The following PPP2R2B variants were observed in gnomAD, a reference collection of about 807,000 sequenced individuals.
PPP2R2B encodes protein phosphatase 2 regulatory subunit Bbeta, also known as serine/threonine-protein phosphatase 2A 55 kDa regulatory subunit B beta isoform.
A neutral mutation model predicts 46.0 loss-of-function variants in PPP2R2B; 5 were observed. The ratio of observed to expected loss-of-function variants is 0.11; its 90% CI spans 0.06 to 0.23. The LOEUF is 0.23. Among genes scored for constraint, PPP2R2B ranks in the 10% least tolerant of loss-of-function variants. The probability of loss-of-function intolerance (pLI) is 1.00; values close to 1 mark genes in which losing one functional copy is unlikely to be tolerated. For synonymous variants in PPP2R2B, 215 were observed against 206.7 expected (o/e 1.04, Z -0.34); for missense variants, 367 against 575.0 (o/e 0.64, Z 3.70).
chr5:146,698,231 A>T lies in PPP2R2B; in HGVS notation c.169-87T>A. The stretch of plus-strand genomic sequence containing the variant: ...CAACTCCCTTTTTTTTCCAGCAGTC[A>T]TTGGGGGTGGGATGAGGGCAGGGCC... On this transcript the variant is annotated intron_variant, in intron 3 of 9. Coordinates refer to ENST00000394411, the MANE Select transcript of PPP2R2B (RefSeq NM_181675.4). The T allele has an allele frequency of 3.6e-6, 4 of 1,125,220 alleles. No individual in the cohort carries two copies. The East Asian group carries it at 1.5e-4, about 42-fold the overall frequency. 69.7% of individuals were successfully genotyped at this position (1,125,220 alleles called of 1,614,324 possible). A position where few individuals can be genotyped will look rare whatever the true frequency, so the allele number is the denominator to read the frequency against.
intron 1 of PPP2R2B, among the ~76,000 whole-genome samples, chr5:146,894,970 T>C (rs1762601719): frequency 6.6e-6 from 1 of 152,152 alleles, no homozygotes. Flanking sequence ...AGAACTGGCA[T>C]GGAATAGTCA....
intron 2 of PPP2R2B, among the ~76,000 whole-genome samples, chr5:146,826,931 C>T (rs769009282): frequency 1.1e-4 from 16 of 152,234 alleles, no homozygotes; most frequent in Admixed American, 3.3e-4. Context: ...ATTGGCTTTT[C>T]GAATCTATAC....
At chr5:146,821,221 A>G (rs1316380426) in intron 2 of PPP2R2B, among the ~76,000 whole-genome samples, 2 of 152,156 alleles carry the variant, frequency 1.3e-5, no homozygotes, top group Non-Finnish European at 2.9e-5. Context: ...ACACATGTAC[A>G]ATTGCACAAA....
intron 2 of PPP2R2B, among the ~76,000 whole-genome samples, chr5:146,731,821 C>CA (rs1420885755): frequency 6.6e-5 from 10 of 152,184 alleles, no homozygotes; most frequent in Non-Finnish European, 1.3e-4. Flanking sequence ...AGAATTTGGA[C>CA]AGAGTGGGTA....
intron 2 of PPP2R2B, among the ~76,000 whole-genome samples, chr5:146,855,604 C>T (rs998549289): frequency 5.9e-5 from 9 of 152,046 alleles, no homozygotes; most frequent in African/African-American, 9.7e-5. Context: ...TTTCCCTCTT[C>T]GTTCCTTTTA....
intron 2 of PPP2R2B, chr5:146,707,327 T>A (rs920774176): frequency 2.0e-6 from 2 of 1,006,488 alleles, no homozygotes; most frequent in Non-Finnish European, 3.2e-6. Flanking sequence ...TTGAAGGTCT[T>A]GATCTGCTCC....
At chr5:146,917,456 A>G (rs1219544465) in intron 1 of PPP2R2B, among the ~76,000 whole-genome samples, 1 of 152,254 alleles carries the variant, frequency 6.6e-6, no homozygotes, top group Non-Finnish European at 1.5e-5. Context: ...TGAGCCTCAG[A>G]GCCAAAAAAA....
In PPP2R2B at chr5:146,988,960, A is replaced by G. The variant is rs560281796; in HGVS notation, c.79+66705T>C. Among the ~76,000 whole-genome samples, 77 of 152,156 alleles carry G rather than the reference A, an allele frequency of 5.1e-4. 2 individuals carry two copies. The highest frequency in any genetic ancestry group is 1.8e-3 in the African/African-American group (75 of 41,566). ...ACAGAAATACAAAGGATCATAAGAA[A>G]CTACTATGAACAACTACACGTAAAT... On this transcript the variant is annotated intron_variant, in intron 1 of 8. Coordinates refer to the PPP2R2B transcript ENST00000336640.
rs115890108 is a variant in PPP2R2B, at chr5:146,782,060, C to A, written c.71-80918G>T. On this transcript the variant is annotated intron_variant, in intron 2 of 9. Transcript: ENST00000394411. ...GTTTGAAAGTGTGTAGCACCTCCCC[C>A]ACCCATGCTCCAGCGATTTGAATAC... Among the ~76,000 whole-genome samples the A allele has an allele frequency of 4.8e-3, 727 of 152,236 alleles. 3 individuals are homozygous for A. The highest frequency in any genetic ancestry group is 6.3e-3 in the Admixed American group (97 of 15,286).
chr5:146,677,982 T>C lies in PPP2R2B; in HGVS notation c.447+13146A>G, dbSNP rs142490438. On this transcript the variant is annotated intron_variant, in intron 5 of 9. Transcript: ENST00000394411. ...TGTTAGGTTAGACAGAAGGAAACAT[T>C]TGTGAACAGTGATTTGTTTTGGATT... Among the ~76,000 whole-genome samples, 10 of 152,266 alleles carry C rather than the reference T, an allele frequency of 6.6e-5. No individual in the cohort carries two copies. The East Asian group carries it at 1.9e-3, about 29-fold the overall frequency.
chr5:146,653,847 G>C (rs186495044), intron 5 of PPP2R2B, among the ~76,000 whole-genome samples: 245 of 152,204 alleles, frequency 1.6e-3, no homozygotes, highest in Non-Finnish European at 2.4e-3. Context: ...GATAAGACAG[G>C]GGGGATGGAG....
At chr5:146,951,502 C>A (rs1751591126) in intron 1 of PPP2R2B, among the ~76,000 whole-genome samples, 1 of 151,936 alleles carries the variant, frequency 6.6e-6, no homozygotes, top group Non-Finnish European at 1.5e-5. Flanking sequence ...TGATGCTCTC[C>A]CCCATCTCCC....
chr5:147,018,089 G>A (rs914344749), intron 1 of PPP2R2B, among the ~76,000 whole-genome samples: 5 of 150,592 alleles, frequency 3.3e-5, no homozygotes, highest in South Asian at 4.2e-4. Flanking sequence ...ACTTAGAAGC[G>A]TTAAGCATCA....
chr5:146,784,446 C>T (rs1486486765), intron 2 of PPP2R2B, among the ~76,000 whole-genome samples: 7 of 152,122 alleles, frequency 4.6e-5, no homozygotes, highest in Non-Finnish European at 1.0e-4. Flanking sequence ...ATTGATTCAA[C>T]ACAACATTCC....
intron 5 of PPP2R2B, among the ~76,000 whole-genome samples, chr5:146,671,163 C>T (rs1482148402): frequency 1.3e-5 from 2 of 152,146 alleles, no homozygotes; most frequent in South Asian, 2.1e-4. Flanking sequence ...TTGTGTCTTA[C>T]ATCAACAGAA....
intron 1 of PPP2R2B, among the ~76,000 whole-genome samples, chr5:146,900,844 G>A (rs599799): frequency 0.48 from 71,287 of 149,442 alleles, 18,761 homozygotes; most frequent in East Asian, 0.7. Flanking sequence ...CCCTCCCTGT[G>A]TTTATGCGTT....
At chr5:147,043,610 C>G (rs1355382149) in intron 1 of PPP2R2B, among the ~76,000 whole-genome samples, 7 of 152,120 alleles carry the variant, frequency 4.6e-5, no homozygotes, top group Non-Finnish European at 8.8e-5. Flanking sequence ...AGGGTAGGAC[C>G]AGGAGGTCTT....
At chr5:146,942,301 T>A (rs1172808459) in intron 1 of PPP2R2B, among the ~76,000 whole-genome samples, 1 of 152,192 alleles carries the variant, frequency 6.6e-6, no homozygotes, top group Non-Finnish European at 1.5e-5. Context: ...AAATTAAAAA[T>A]CATCTAGATT....
intron 2 of PPP2R2B, among the ~76,000 whole-genome samples, chr5:146,872,055 A>G (rs943248253): frequency 3.3e-5 from 5 of 152,204 alleles, no homozygotes; most frequent in Admixed American, 6.5e-5. Flanking sequence ...TGCAAACGCC[A>G]AAGTCTAGGA....
Sources: allele counts gnomAD v4.1 joint callset (sites outside exome capture counted in the v4.1 genomes callset), GRCh38; gene constraint gnomAD v4.1.1; transcripts MANE v1.5; gene names NCBI Gene and HGNC (gene_info 2026-07-23, HGNC 2026-07-21).